Variants in RHOQ observed in about 807,000 individuals in gnomAD.
RHOQ encodes the protein ras homolog family member Q.
A neutral mutation model predicts 25.8 loss-of-function variants in RHOQ; 7 were observed. The observed-to-expected ratio is 0.27, with a 90% CI of 0.15 to 0.51. The LOEUF is 0.51. Among genes scored for constraint, RHOQ ranks in the 20% least tolerant of loss-of-function variants. RHOQ has a pLI of 0.97. For synonymous variants in RHOQ, 97 were observed against 98.6 expected (o/e 0.98, Z 0.10); for missense variants, 165 against 260.6 (o/e 0.63, Z 2.53).
intron 2 of RHOQ, among the ~76,000 whole-genome samples, chr2:46,546,976 AGT>A (rs1668089917): frequency 2.0e-5 from 3 of 152,302 alleles, no homozygotes; most frequent in South Asian, 4.1e-4. Flanking sequence ...TTCCAAGCCC[AGT>A]GCTCCCTGCC....
At chr2:46,572,393 G>A (rs1024915929) in intron 2 of RHOQ, among the ~76,000 whole-genome samples, 3 of 151,820 alleles carry the variant, frequency 2.0e-5, no homozygotes, top group Non-Finnish European at 2.9e-5. Flanking sequence ...GTGAGCCACC[G>A]CACCTGGCCA....
intron 2 of RHOQ, among the ~76,000 whole-genome samples, chr2:46,551,129 C>T (rs60199254): frequency 0.15 from 23,461 of 152,172 alleles, 2,852 homozygotes; most frequent in African/African-American, 0.33. Flanking sequence ...AAACCTGTTT[C>T]CTTATCTGTC....
chr2:46,551,626 T>A (rs1334590351), intron 2 of RHOQ, among the ~76,000 whole-genome samples: 1 of 152,192 alleles, frequency 6.6e-6, no homozygotes, highest in Non-Finnish European at 1.5e-5. Flanking sequence ...GCTGTGTTGC[T>A]GGTTGATTTT....
chr2:46,574,129 T>G (rs1459826780), intron 2 of RHOQ, among the ~76,000 whole-genome samples: 1 of 152,220 alleles, frequency 6.6e-6, no homozygotes, highest in Non-Finnish European at 1.5e-5. Context: ...CGAGGTGTTA[T>G]GCGGAGTGCT....
intron 2 of RHOQ, among the ~76,000 whole-genome samples, chr2:46,550,465 G>C (rs1423180462): frequency 6.6e-6 from 1 of 152,224 alleles, no homozygotes; most frequent in East Asian, 1.9e-4. Flanking sequence ...AGGGGCCTTA[G>C]TGATCACCAG....
chr2:46,581,350 C>A lies in RHOQ; in HGVS notation c.*267C>A. ...CTCAGGGGTTTCATAGTTTAAAAAG[C>A]TACAATCACATCATGTTGTAACTAC... On this transcript the variant is annotated 3_prime_UTR_variant, in exon 5 of 5. Transcript: ENST00000238738. The A allele has an allele frequency of 7.2e-7, 1 of 1,396,324 alleles. No homozygotes were observed. The highest frequency in any genetic ancestry group is 9.6e-7 in the Non-Finnish European group (1 of 1,044,378). The allele number at this position is 1,396,324 out of a possible 1,614,324, so 86.5% of individuals were successfully genotyped here. A position where few individuals can be genotyped will look rare whatever the true frequency, so the allele number is the denominator to read the frequency against.
chr2:46,581,736 T>C lies in RHOQ; in HGVS notation c.*653T>C. ...TGTAATAAGGTCATAACTGCATTTA[T>C]CATGAACACTAAAAATGTACACATT... On this transcript the variant is annotated 3_prime_UTR_variant, in exon 5 of 5. Coordinates refer to ENST00000238738, the MANE Select transcript of RHOQ (RefSeq NM_012249.4). The C allele has an allele frequency of 8.8e-7, 1 of 1,142,318 alleles. No homozygotes were observed. Among genetic ancestry groups the C allele is most frequent in the Non-Finnish European group, 1.2e-6 (1 of 839,502 alleles). 70.8% of individuals were successfully genotyped at this position (1,142,318 alleles called of 1,614,324 possible).
chr2:46,542,969 C>G lies in RHOQ; in HGVS notation c.-78C>G. On this transcript the variant is annotated 5_prime_UTR_variant, in exon 1 of 5. Coordinates refer to ENST00000238738, the MANE Select transcript of RHOQ (RefSeq NM_012249.4). ...AGCGGCGGCGACGGCGGCGGACCCC[C>G]CAGGCGGGCTGGGGCTGAGCCCGGG... 2 of 1,056,218 alleles carry G rather than the reference C, an allele frequency of 1.9e-6. No homozygotes were observed. Among genetic ancestry groups the G allele is most frequent in the Non-Finnish European group, 2.4e-6 (2 of 833,136 alleles). 65.4% of individuals were successfully genotyped at this position (1,056,218 alleles called of 1,614,324 possible). A position where few individuals can be genotyped will look rare whatever the true frequency, so the allele number is the denominator to read the frequency against.
At chr2:46,572,107 GTTTTT>G (rs746265771) in intron 2 of RHOQ, among the ~76,000 whole-genome samples, 203 of 66,236 alleles carry the variant, frequency 3.1e-3, no homozygotes, top group African/African-American at 0.016. Flanking sequence ...GTAAGTGTGT[GTTTTT>G]TTTTTTTTTT....
At chr2:46,578,124 A>G (rs1030748916) in intron 4 of RHOQ, among the ~76,000 whole-genome samples, 1 of 152,216 alleles carries the variant, frequency 6.6e-6, no homozygotes, top group South Asian at 2.1e-4. Context: ...GCAGATTGCC[A>G]TTGAAGATAG....
At chr2:46,573,531 A>G (rs1160691606) in intron 2 of RHOQ, among the ~76,000 whole-genome samples, 1 of 152,242 alleles carries the variant, frequency 6.6e-6, no homozygotes, top group Non-Finnish European at 1.5e-5. Context: ...CTGCAATTTA[A>G]GAAATATCTA....
At chr2:46,546,813 G>A (rs951892903) in intron 2 of RHOQ, among the ~76,000 whole-genome samples, 1 of 151,952 alleles carries the variant, frequency 6.6e-6, no homozygotes, top group Non-Finnish European at 1.5e-5. Context: ...AGTTTTGTGG[G>A]GAGAAAGGTT....
At chr2:46,568,199 C>G (rs954362357) in intron 2 of RHOQ, 4 of 152,200 alleles carry the variant, frequency 2.6e-5, no homozygotes, top group Non-Finnish European at 5.9e-5. Context: ...TCTATGCAAA[C>G]CTACCTTCAA....
At chr2:46,573,282 T>C (rs1668996695) in intron 2 of RHOQ, among the ~76,000 whole-genome samples, 1 of 152,160 alleles carries the variant, frequency 6.6e-6, no homozygotes, top group African/African-American at 2.4e-5. Context: ...CAGGCTGATC[T>C]TGGACTCCTG....
In RHOQ at chr2:46,581,836, G is replaced by A. The variant is rs1669391829; in HGVS notation, c.*753G>A. 8.3e-6 allele frequency: 3 copies of A among 359,302 alleles called. No homozygotes were observed. Among genetic ancestry groups the A allele is most frequent in the Admixed American group, 4.6e-5 (1 of 21,646 alleles). The allele number at this position is 359,302 out of a possible 1,614,324, so 22.3% of individuals were successfully genotyped here. On this transcript the variant is annotated 3_prime_UTR_variant, in exon 5 of 5. Coordinates refer to ENST00000238738, the MANE Select transcript of RHOQ (RefSeq NM_012249.4). ...TAGTTTGACGCTCCCCAAAGTGCATGAGACACATGCTAAAATTACAAATTA... is the reference window on the plus strand; with the variant it reads ...TAGTTTGACGCTCCCCAAAGTGCATAAGACACATGCTAAAATTACAAATTA...
rs1288355103 is a variant in RHOQ, at chr2:46,583,725, C to T, written c.*2642C>T. Among the ~76,000 whole-genome samples, 1 of 152,128 alleles carries T rather than the reference C, an allele frequency of 6.6e-6. No individual in the cohort carries two copies. Among genetic ancestry groups the T allele is most frequent in the Non-Finnish European group, 1.5e-5 (1 of 68,000 alleles). On this transcript the variant is annotated 3_prime_UTR_variant, in exon 5 of 5. Coordinates refer to ENST00000238738, the MANE Select transcript of RHOQ (RefSeq NM_012249.4). Reference sequence around the variant, plus strand: ...GCTTAGGCTTCAATAGAAATTCAGACTAATCACTGAAATGACTATTTCAAA... The same window carrying T: ...GCTTAGGCTTCAATAGAAATTCAGATTAATCACTGAAATGACTATTTCAAA...
intron 2 of RHOQ, among the ~76,000 whole-genome samples, chr2:46,554,670 C>T (rs982981067): frequency 2.0e-5 from 3 of 152,168 alleles, no homozygotes; most frequent in Non-Finnish European, 2.9e-5. Flanking sequence ...GGCTGTGTTA[C>T]TCAAACACCC....
At chr2:46,574,302 T>C (rs1232253423) in intron 2 of RHOQ, among the ~76,000 whole-genome samples, 1 of 151,782 alleles carries the variant, frequency 6.6e-6, no homozygotes, top group Admixed American at 6.6e-5. Flanking sequence ...AAGTGTGGAG[T>C]TGCTGGGTGG....
chr2:46,547,482 C>T (rs1370546859), intron 2 of RHOQ, among the ~76,000 whole-genome samples: 2 of 152,228 alleles, frequency 1.3e-5, no homozygotes, highest in Non-Finnish European at 2.9e-5. Context: ...ACTTCAGTCC[C>T]CATCATGTGC....
Sources: gnomAD v4.1 joint callset for allele counts (sites outside exome capture counted in the v4.1 genomes callset) on GRCh38, gnomAD v4.1.1 for gene constraint, MANE v1.5 for transcripts, NCBI Gene and HGNC (gene_info 2026-07-23, HGNC 2026-07-21) for gene names.